The following MAN1A1 variants were observed in gnomAD, a reference collection of about 807,000 sequenced individuals.
MAN1A1 encodes mannosidase alpha class 1A member 1, also known as mannosyl-oligosaccharide 1,2-alpha-mannosidase IA.
MAN1A1 carries 29 observed loss-of-function variants against 70.8 expected under a neutral mutation model. The ratio of observed to expected loss-of-function variants is 0.41; its 90% CI spans 0.31 to 0.56. The LOEUF (loss-of-function observed/expected upper bound fraction) is 0.56. MAN1A1 is among the 20% of genes least tolerant of loss of function. The probability of loss-of-function intolerance (pLI) is 0.29; values close to 1 mark genes in which losing one functional copy is unlikely to be tolerated. For synonymous variants in MAN1A1, 349 were observed against 330.1 expected (o/e 1.06, Z -0.62); for missense variants, 747 against 841.3 (o/e 0.89, Z 1.39).
At chr6:119,285,608 C>CT (rs35665082) in intron 5 of MAN1A1, among the ~76,000 whole-genome samples, 167 of 144,694 alleles carry the variant, frequency 1.2e-3, no homozygotes, top group African/African-American at 2.9e-3. Context: ...GTTTTCAATT[C>CT]TTTTTTTTTT....
At chr6:119,240,542 C>CA (rs1402931017) in intron 6 of MAN1A1, among the ~76,000 whole-genome samples, 3 of 152,042 alleles carry the variant, frequency 2.0e-5, no homozygotes, top group Admixed American at 2.0e-4. Context: ...CTCCTGCCTT[C>CA]AGAGAATAAA....
In MAN1A1 at chr6:119,239,114, G is replaced by A. The variant is rs573984233; in HGVS notation, c.992+9146C>T. Among the ~76,000 whole-genome samples, 15 of 151,986 alleles carry A rather than the reference G, an allele frequency of 9.9e-5. No individual in the cohort carries two copies. In the South Asian group the frequency reaches 1.9e-3, roughly 19 times the overall value. The stretch of plus-strand genomic sequence containing the variant: ...ACCGTGGTCTCGATCTCCTGACCTC[G>A]TGATCCGCCCGCCTCAGCCTCCCAA... On this transcript the variant is annotated intron_variant, in intron 6 of 12. Coordinates refer to ENST00000368468, the MANE Select transcript of MAN1A1 (RefSeq NM_005907.4).
At chr6:119,180,087 G>A (rs1773110014) in intron 12 of MAN1A1, 142 bp from the exon 13 acceptor site, 1 of 915,066 alleles carries the variant, frequency 1.1e-6, no homozygotes, top group African/African-American at 1.7e-5. Context: ...AAAACCCTGA[G>A]GGGTTATACT....
intron 6 of MAN1A1, among the ~76,000 whole-genome samples, chr6:119,231,758 A>G (rs973145001): frequency 1.3e-5 from 2 of 152,184 alleles, no homozygotes; most frequent in African/African-American, 4.8e-5. Flanking sequence ...ACATGATCAC[A>G]AAGACGGGGA....
chr6:119,315,680 C>T (rs1772831424), intron 2 of MAN1A1, among the ~76,000 whole-genome samples: 1 of 152,192 alleles, frequency 6.6e-6, no homozygotes, highest in Admixed American at 6.5e-5. Context: ...AATTTAGCAA[C>T]TCAAAAGTTA....
intron 5 of MAN1A1, among the ~76,000 whole-genome samples, chr6:119,282,934 T>C (rs1776260266): frequency 6.6e-6 from 1 of 152,186 alleles, no homozygotes; most frequent in Non-Finnish European, 1.5e-5. Flanking sequence ...AATTTCTTCT[T>C]AGGTTTATAA....
chr6:119,298,553 T>A (rs2114434100), intron 4 of MAN1A1, among the ~76,000 whole-genome samples: 1 of 152,256 alleles, frequency 6.6e-6, no homozygotes, highest in South Asian at 2.1e-4. Context: ...AATGTTTGTT[T>A]CATTTTTATT....
intron 9 of MAN1A1, among the ~76,000 whole-genome samples, chr6:119,190,142 A>G (rs1216712022): frequency 1.3e-5 from 2 of 152,198 alleles, no homozygotes; most frequent in Non-Finnish European, 2.9e-5. Flanking sequence ...CAAACATTGT[A>G]TTCCTCATAT....
intron 9 of MAN1A1, among the ~76,000 whole-genome samples, chr6:119,191,499 T>G (rs962024461): frequency 6.6e-6 from 1 of 152,178 alleles, no homozygotes; most frequent in Non-Finnish European, 1.5e-5. Context: ...GGATAGTCTT[T>G]AGTAGATCTG....
intron 5 of MAN1A1, among the ~76,000 whole-genome samples, chr6:119,250,532 G>GTAGTTT (rs1348679530): frequency 6.6e-6 from 1 of 152,100 alleles, no homozygotes; most frequent in African/African-American, 2.4e-5. Context: ...ACACTAACAG[G>GTAGTTT]TAGTTGTAGT....
chr6:119,236,464 T>C (rs1350434004), intron 6 of MAN1A1, among the ~76,000 whole-genome samples: 1 of 152,078 alleles, frequency 6.6e-6, no homozygotes, highest in African/African-American at 2.4e-5. Flanking sequence ...TCCCAGCACA[T>C]AGGAAGGCTG....
chr6:119,236,116 T>C (rs1017013369), intron 6 of MAN1A1, among the ~76,000 whole-genome samples: 22 of 128,338 alleles, frequency 1.7e-4, no homozygotes, highest in African/African-American at 6.1e-4. Context: ...GCCTGGATGA[T>C]AGAGCAAGAC....
intron 2 of MAN1A1, among the ~76,000 whole-genome samples, chr6:119,323,260 T>G (rs1773064175): frequency 6.6e-6 from 1 of 152,212 alleles, no homozygotes; most frequent in Admixed American, 6.5e-5. Flanking sequence ...TGTTTCCCTT[T>G]ATGCCTATAG....
At chr6:119,200,117 G>C (rs909221665) in intron 8 of MAN1A1, among the ~76,000 whole-genome samples, 7 of 152,040 alleles carry the variant, frequency 4.6e-5, no homozygotes, top group East Asian at 3.8e-4. Flanking sequence ...ATGAGATACA[G>C]AGCACATATG....
chr6:119,241,054 A>G (rs1339946276), intron 6 of MAN1A1, among the ~76,000 whole-genome samples: 1 of 152,190 alleles, frequency 6.6e-6, no homozygotes, highest in East Asian at 1.9e-4. Flanking sequence ...AAATAGCTTT[A>G]CTTTTAAACA....
At chr6:119,346,516 T>C (rs1044202379) in intron 2 of MAN1A1, among the ~76,000 whole-genome samples, 1 of 152,230 alleles carries the variant, frequency 6.6e-6, no homozygotes, top group Non-Finnish European at 1.5e-5. Flanking sequence ...TTTCAAAACA[T>C]CTAGGTGCTA....
intron 2 of MAN1A1, among the ~76,000 whole-genome samples, chr6:119,316,521 G>A (rs1772859673): frequency 6.6e-6 from 1 of 152,050 alleles, no homozygotes; most frequent in African/African-American, 2.4e-5. Context: ...ATCCTAAGGA[G>A]AGCTAAAAAA....
intron 5 of MAN1A1, among the ~76,000 whole-genome samples, chr6:119,265,398 C>G (rs1306551752): frequency 6.6e-6 from 1 of 152,068 alleles, no homozygotes; most frequent in East Asian, 1.9e-4. Context: ...TGAGCCTGGC[C>G]TCATTAAAAT....
intron 4 of MAN1A1, among the ~76,000 whole-genome samples, chr6:119,297,829 G>A (rs1160223134): frequency 2.7e-5 from 4 of 147,636 alleles, no homozygotes; most frequent in African/African-American, 5.0e-5. Context: ...TAGAGATGGC[G>A]GCGGTGGGGA....
Sources: allele counts gnomAD v4.1 joint callset (sites outside exome capture counted in the v4.1 genomes callset), GRCh38; gene constraint gnomAD v4.1.1; transcripts MANE v1.5; gene names NCBI Gene and HGNC (gene_info 2026-07-23, HGNC 2026-07-21).